ANGPT2: variants seen among roughly 807,000 people sequenced by gnomAD.
ANGPT2 encodes the protein angiopoietin 2, also known as angiopoietin-2.
A neutral mutation model predicts 62.9 loss-of-function variants in ANGPT2; 28 were observed. That is an observed-to-expected ratio of 0.44 (90% CI 0.33 to 0.61). ANGPT2 has a LOEUF of 0.61. Among genes scored for constraint, ANGPT2 ranks in the 20% least tolerant of loss-of-function variants. The pLI, the probability that ANGPT2 is intolerant of heterozygous loss-of-function variation, is 0.03. For synonymous variants in ANGPT2, 284 were observed against 207.8 expected (o/e 1.37, Z -3.15); for missense variants, 727 against 594.9 (o/e 1.22, Z -2.31).
chr8:6,509,703 C>T (rs944189003), intron 7 of ANGPT2, among the ~76,000 whole-genome samples: 1 of 152,200 alleles, frequency 6.6e-6, no homozygotes, highest in Admixed American at 6.5e-5. Context: ...TTCTGATAAG[C>T]CCATTTTCTG....
chr8:6,499,912 C>T lies in ANGPT2; in HGVS notation c.*3189G>A. ...TGAGGAGCCGTTCGAACTGTCTCAC[C>T]ACTTCCCTGCAGCTCCCGTAAGTCA... On this transcript the variant is annotated 3_prime_UTR_variant, in exon 9 of 9. Transcript: ENST00000629816. 1.2e-6 allele frequency: 2 copies of T among 1,613,666 alleles called. No homozygotes were observed. Among genetic ancestry groups the T allele is most frequent in the Non-Finnish European group, 1.7e-6 (2 of 1,179,936 alleles).
At chr8:6,521,648 A>C (rs1210497211) in intron 3 of ANGPT2, among the ~76,000 whole-genome samples, 1 of 152,218 alleles carries the variant, frequency 6.6e-6, no homozygotes, top group Admixed American at 6.5e-5. Flanking sequence ...TTATGCATAC[A>C]CACAAGAAAA....
intron 1 of ANGPT2, among the ~76,000 whole-genome samples, chr8:6,538,191 CACAAAT>C (rs1820855264): frequency 1.3e-5 from 2 of 151,536 alleles, no homozygotes; most frequent in Admixed American, 6.6e-5. Flanking sequence ...CTAGTAAATT[CACAAAT>C]AATTTGAGAT....
intron 1 of ANGPT2, among the ~76,000 whole-genome samples, chr8:6,549,613 C>T (rs911267846): frequency 2.7e-5 from 4 of 150,918 alleles, no homozygotes; most frequent in African/African-American, 9.8e-5. Context: ...GTTGGGCGGT[C>T]GTTACACAGG....
chr8:6,528,613 C>T (rs886605085), intron 2 of ANGPT2, among the ~76,000 whole-genome samples: 1 of 152,240 alleles, frequency 6.6e-6, no homozygotes, highest in Admixed American at 6.5e-5. Context: ...TGAGCTACTG[C>T]GTGGCATGAG....
chr8:6,532,573 T>TAAA (rs1427394273), intron 1 of ANGPT2, 86 bp from the exon 2 acceptor site: 21 of 758,332 alleles, frequency 2.8e-5, no homozygotes, highest in Admixed American at 5.1e-5. Context: ...CTCCCTATCT[T>TAAA]TAAAAAAAAA....
intron 3 of ANGPT2, among the ~76,000 whole-genome samples, chr8:6,524,015 C>G (rs1198730013): frequency 6.6e-6 from 1 of 151,886 alleles, no homozygotes; most frequent in Non-Finnish European, 1.5e-5. Context: ...GTTTCAATAT[C>G]TTCATTTTGT....
At chr8:6,536,973 A>G (rs12550622) in intron 1 of ANGPT2, among the ~76,000 whole-genome samples, 36,914 of 112,896 alleles carry the variant, frequency 0.33, 4,722 homozygotes, top group Admixed American at 0.37. Context: ...TTAGTACAAG[A>G]AAAAAAAAAA....
At position 6,551,334 on chromosome 8, in the gene ANGPT2, A is replaced by G. The variant is rs73507163; in HGVS notation, c.288+11313T>C. Among the ~76,000 whole-genome samples the G allele has an allele frequency of 1.7e-3, 264 of 152,294 alleles. 1 individual carries two copies. The highest frequency in any genetic ancestry group is 6.0e-3 in the African/African-American group (248 of 41,560). On this transcript the variant is annotated intron_variant, in intron 1 of 8. Transcript: ENST00000629816. ...GAATAGTGTGCCATCAATTAATTCT[A>G]TGCATGTCAGCTGCAACGCCTTCAT...
intron 1 of ANGPT2, among the ~76,000 whole-genome samples, chr8:6,557,091 C>G (rs529522619): frequency 1.3e-5 from 2 of 152,294 alleles, no homozygotes; most frequent in African/African-American, 4.8e-5. Flanking sequence ...AGAAATAACG[C>G]ACTTCTGCCC....
chr8:6,523,622 C>T (rs1327718388), intron 3 of ANGPT2, among the ~76,000 whole-genome samples: 1 of 152,082 alleles, frequency 6.6e-6, no homozygotes, highest in Non-Finnish European at 1.5e-5. Flanking sequence ...CGGAGTCTCG[C>T]GCTGTGGCCT....
intron 1 of ANGPT2, among the ~76,000 whole-genome samples, chr8:6,558,536 G>C (rs978502813): frequency 6.6e-6 from 1 of 152,078 alleles, no homozygotes; most frequent in African/African-American, 2.4e-5. Context: ...TTTCATCTAC[G>C]GTAACTGGCT....
At chr8:6,532,593 T>G in intron 1 of ANGPT2, 106 bp from the exon 2 acceptor site, 1 of 695,152 alleles carries the variant, frequency 1.4e-6, no homozygotes, top group South Asian at 3.7e-5. Context: ...AAAAAAAAAA[T>G]CTATCAAAAG....
Position 6,558,333 on chromosome 8 carries a change from C to T in ANGPT2, c.288+4314G>A, listed in dbSNP as rs189062341. 1.3e-3 allele frequency among the ~76,000 whole-genome samples: 193 copies of T among 152,172 alleles called. 1 individual carries two copies. The highest frequency in any genetic ancestry group is 4.5e-3 in the African/African-American group (188 of 41,506). On this transcript the variant is annotated intron_variant, in intron 1 of 8. Transcript: ENST00000629816. Reference sequence around the variant, plus strand: ...TTTAATAGCCTGACATATTTTTTTACCTTGCCCATATCTTACTTTCATAAC... The same window carrying T: ...TTTAATAGCCTGACATATTTTTTTATCTTGCCCATATCTTACTTTCATAAC...
At chr8:6,536,785 A>G (rs1820582340) in intron 1 of ANGPT2, among the ~76,000 whole-genome samples, 1 of 152,190 alleles carries the variant, frequency 6.6e-6, no homozygotes. Context: ...CCACTTGGAT[A>G]GACAGACCTT....
intron 8 of ANGPT2, among the ~76,000 whole-genome samples, chr8:6,504,959 A>G (rs984487372): frequency 3.3e-5 from 5 of 151,906 alleles, no homozygotes; most frequent in African/African-American, 1.2e-4. Context: ...ATAAATCTCA[A>G]CAACACTGTG....
intron 3 of ANGPT2, among the ~76,000 whole-genome samples, chr8:6,524,721 G>A (rs934445605): frequency 3.9e-5 from 6 of 152,298 alleles, no homozygotes; most frequent in African/African-American, 7.2e-5. Flanking sequence ...AAGCTAAAAA[G>A]ACAAGGCTAT....
intron 5 of ANGPT2, among the ~76,000 whole-genome samples, chr8:6,518,056 C>T (rs1816616232): frequency 6.6e-6 from 1 of 152,054 alleles, no homozygotes; most frequent in African/African-American, 2.4e-5. Flanking sequence ...TTTCATCTTT[C>T]TGCAGAATAT....
intron 1 of ANGPT2, among the ~76,000 whole-genome samples, chr8:6,550,908 C>T (rs1823532091): frequency 6.6e-6 from 1 of 152,212 alleles, no homozygotes; most frequent in African/African-American, 2.4e-5. Flanking sequence ...TTCACAATTA[C>T]AGCCCAAGGA....
Sources: allele counts gnomAD v4.1 joint callset (sites outside exome capture counted in the v4.1 genomes callset), GRCh38; gene constraint gnomAD v4.1.1; transcripts MANE v1.5; gene names NCBI Gene and HGNC (gene_info 2026-07-23, HGNC 2026-07-21).